Variants in SANBR observed in about 807,000 individuals in gnomAD.
SANBR encodes the protein SANT and BTB domain regulator of class switch recombination.
Under a neutral mutation model 101.8 loss-of-function variants are expected in SANBR, and 77 were observed. The observed-to-expected ratio is 0.76, with a 90% CI of 0.63 to 0.91. The LOEUF is 0.91. SANBR is among the 40% of genes least tolerant of loss of function. The pLI is 0.00. For missense variants in SANBR, 875 were observed against 853.0 expected, an observed-to-expected ratio of 1.03 and a Z score of -0.32; for synonymous variants, 279 against 274.7, an observed-to-expected ratio of 1.02 and a Z score of -0.15.
In SANBR at chr2:61,115,505, G is replaced by A. The variant is rs192236486; in HGVS notation, c.1745-474G>A. 3.1e-3 allele frequency among the ~76,000 whole-genome samples: 472 copies of A among 151,900 alleles called. 2 individuals carry two copies. The highest frequency in any genetic ancestry group is 5.6e-3 in the Non-Finnish European group (382 of 67,988). Reference sequence around the variant, plus strand: ...GCACCACCATACTTGGCTAATTTTTGTACTTTTAGTATAAATGTAAATGTG... The same window carrying A: ...GCACCACCATACTTGGCTAATTTTTATACTTTTAGTATAAATGTAAATGTG... On this transcript the variant is annotated intron_variant, in intron 16 of 21. Transcript: ENST00000402291.
downstream of SANBR, among the ~76,000 whole-genome samples, chr2:61,125,708 GT>G (rs1684494715): frequency 6.6e-6 from 1 of 152,180 alleles, no homozygotes; most frequent in South Asian, 2.1e-4. Context: ...GATGGTCCTA[GT>G]AGTTGCTATT....
chr2:61,120,680 G>A (rs1393954887), intron 20 of SANBR, among the ~76,000 whole-genome samples: 2 of 152,098 alleles, frequency 1.3e-5, no homozygotes, highest in Non-Finnish European at 2.9e-5. Context: ...AGCCTTGATC[G>A]CACCACTGCA....
chr2:61,076,131 C>T (rs1415142501), intron 5 of SANBR, among the ~76,000 whole-genome samples: 1 of 150,538 alleles, frequency 6.6e-6, no homozygotes, highest in African/African-American at 2.4e-5. Flanking sequence ...GTAGCTGGGA[C>T]TGCAGGTGCA....
At chr2:61,128,733 A>C (rs1684589820), downstream of SANBR, among the ~76,000 whole-genome samples, 1 of 152,088 alleles carries the variant, frequency 6.6e-6, no homozygotes, top group Admixed American at 6.6e-5. Flanking sequence ...ACCTCAGGTG[A>C]TCCGTCTGCC....
Position 61,109,223 on chromosome 2 carries a change from A to G in SANBR, c.1671A>G (p.Glu557=). Residue 557 remains glutamate (E), a synonymous_variant, in exon 16 of 22, where the codon GAA becomes GAG. Coordinates refer to ENST00000402291, the MANE Select transcript of SANBR (RefSeq NM_001129993.3). Reference sequence around the variant, plus strand: ...AACAACAGTCACTGTTTTCAGAAGAAGAAGAATATACCACTGGATCTGAGG... The same window carrying G: ...AACAACAGTCACTGTTTTCAGAAGAGGAAGAATATACCACTGGATCTGAGG... ...QLKQQSLFSE[E]EEYTTGSEVT... is the part of the protein sequence containing the mutation. 1 of 1,535,322 alleles carries G rather than the reference A, an allele frequency of 6.5e-7. No homozygotes were observed. The highest frequency in any genetic ancestry group is 8.8e-7 in the Non-Finnish European group (1 of 1,138,488).
intron 5 of SANBR, among the ~76,000 whole-genome samples, chr2:61,073,982 A>T (rs893686659): frequency 8.5e-5 from 2 of 23,588 alleles, no homozygotes; most frequent in Non-Finnish European, 1.5e-4. Flanking sequence ...ATAGTTTTGT[A>T]TAGTTTTGTA....
At chr2:61,126,442 C>T (rs1045270782), downstream of SANBR, among the ~76,000 whole-genome samples, 3 of 152,120 alleles carry the variant, frequency 2.0e-5, no homozygotes, top group African/African-American at 4.8e-5. Flanking sequence ...CGTGATTTTT[C>T]GATGTGGCTC....
chr2:61,083,966 T>C (rs1324288627), intron 8 of SANBR, among the ~76,000 whole-genome samples: 9 of 152,066 alleles, frequency 5.9e-5, no homozygotes, highest in Admixed American at 5.9e-4. Flanking sequence ...AGTTAGCTTA[T>C]TATTATTATT....
At chr2:61,101,026 C>T (rs910817995) in intron 12 of SANBR, among the ~76,000 whole-genome samples, 2 of 152,112 alleles carry the variant, frequency 1.3e-5, no homozygotes, top group African/African-American at 4.8e-5. Context: ...AATGATGGGT[C>T]ATGGAATTTT....
chr2:61,084,978 G>A (rs1682345566), intron 8 of SANBR, among the ~76,000 whole-genome samples: 1 of 152,152 alleles, frequency 6.6e-6, no homozygotes, highest in South Asian at 2.1e-4. Flanking sequence ...GTGGATGGTA[G>A]TGCTATTAAT....
chr2:61,077,443 A>G (rs1381741881), intron 6 of SANBR, among the ~76,000 whole-genome samples: 1 of 152,202 alleles, frequency 6.6e-6, no homozygotes. Context: ...CAGTTTGCCT[A>G]ATAATACCAA....
At chr2:61,076,183 CG>C (rs1559077831) in intron 5 of SANBR, among the ~76,000 whole-genome samples, 1 of 150,836 alleles carries the variant, frequency 6.6e-6, no homozygotes. Flanking sequence ...TCAGTAGAGA[CG>C]GGGTTTCACC....
At chr2:61,076,885 T>TAG in intron 5 of SANBR, 35 bp from the exon 6 acceptor site, 3 of 1,473,818 alleles carry the variant, frequency 2.0e-6, no homozygotes, top group Non-Finnish European at 2.8e-6. Flanking sequence ...TCTAAAACTC[T>TAG]AATAATTTCA....
intron 21 of SANBR, 111 bp downstream of exon 21, chr2:61,121,387 T>G: frequency 1.6e-6 from 1 of 639,064 alleles, no homozygotes; most frequent in Non-Finnish European, 2.7e-6. Context: ...GTTTTATGTT[T>G]TGTTTCAATG....
intron 14 of SANBR, 75 bp from the exon 15 acceptor site, chr2:61,108,242 C>T: frequency 3.4e-6 from 3 of 876,232 alleles, no homozygotes; most frequent in Non-Finnish European, 3.6e-6. Context: ...AACTCTTCTA[C>T]AGTATCTATA....
chr2:61,108,265 G>A (rs1483805231), intron 14 of SANBR, 52 bp from the exon 15 acceptor site: 2 of 1,151,438 alleles, frequency 1.7e-6, no homozygotes, highest in East Asian at 2.5e-5. Context: ...AAAATAAGGA[G>A]CTGCAATCTA....
chr2:61,084,620 C>T (rs1172108211), intron 8 of SANBR, among the ~76,000 whole-genome samples: 1 of 152,030 alleles, frequency 6.6e-6, no homozygotes, highest in Non-Finnish European at 1.5e-5. Flanking sequence ...GAAACGAGGT[C>T]AGCAGTGGTT....
intron 2 of SANBR, 22 bp from the exon 3 acceptor site, chr2:61,070,320 T>A (rs1259208029): frequency 6.5e-7 from 1 of 1,531,584 alleles, no homozygotes; most frequent in Non-Finnish European, 8.7e-7. Flanking sequence ...TAAATAAAGC[T>A]TTTTGTCTTC....
intron 12 of SANBR, among the ~76,000 whole-genome samples, chr2:61,098,069 A>T (rs1461835237): frequency 1.4e-5 from 2 of 147,072 alleles, no homozygotes; most frequent in Admixed American, 6.8e-5. Context: ...ATATATATAT[A>T]TATATATATT....
Sources: allele counts gnomAD v4.1 joint callset (sites outside exome capture counted in the v4.1 genomes callset), GRCh38; gene constraint gnomAD v4.1.1; transcripts MANE v1.5; gene names NCBI Gene and HGNC (gene_info 2026-07-23, HGNC 2026-07-21).